ADAMTS9: variants seen among roughly 807,000 people sequenced by gnomAD.
ADAMTS9 encodes the protein ADAM metallopeptidase with thrombospondin type 1 motif 9.
Under a neutral mutation model 257.1 loss-of-function variants are expected in ADAMTS9, and 107 were observed. The observed-to-expected ratio is 0.42, with a 90% confidence interval of 0.36 to 0.49. The LOEUF is 0.49. Among genes scored for constraint, ADAMTS9 ranks in the 20% least tolerant of loss-of-function variants. ADAMTS9 has a pLI of 0.03. For missense variants in ADAMTS9, 2,353 were observed against 2,469.1 expected, an observed-to-expected ratio of 0.95 and a Z score of 1.00; for synonymous variants, 982 against 880.9, an observed-to-expected ratio of 1.11 and a Z score of -2.03.
chr3:64,562,420 A>G (rs1265647361), intron 29 of ADAMTS9, among the ~76,000 whole-genome samples: 1 of 152,172 alleles, frequency 6.6e-6, no homozygotes, highest in African/African-American at 2.4e-5. Flanking sequence ...AATATTGTTA[A>G]TCATGTTGAA....
intron 3 of ADAMTS9, among the ~76,000 whole-genome samples, chr3:64,674,082 T>C (rs7650788): frequency 0.21 from 30,563 of 147,324 alleles, 3,824 homozygotes; most frequent in Non-Finnish European, 0.29. Context: ...ACTGCACTAT[T>C]AACACTAAAG....
intron 2 of ADAMTS9, among the ~76,000 whole-genome samples, chr3:64,684,473 T>A (rs1481187355): frequency 6.6e-6 from 1 of 152,076 alleles, no homozygotes; most frequent in Non-Finnish European, 1.5e-5. Context: ...GGCGGAGAAC[T>A]AGCAACATCT....
chr3:64,520,849 A>T lies in ADAMTS9; in HGVS notation c.*5+1317T>A, dbSNP rs908938132. The stretch of plus-strand genomic sequence containing the variant: ...GACTTCAAAACATAAAAATTCTAGA[A>T]GAAAACCCAGGAAATACTCTTCTGA... On this transcript the variant is annotated intron_variant, in intron 39 of 39. Transcript: ENST00000498707. Among the ~76,000 whole-genome samples the T allele has an allele frequency of 4.6e-5, 7 of 152,212 alleles. 1 individual carries two copies. The highest frequency in any genetic ancestry group is 1.4e-4 in the African/African-American group (6 of 41,466).
In ADAMTS9 at chr3:64,541,526, C is replaced by T; in HGVS notation, c.5292G>A (p.Lys1764=). 1 of 1,613,614 alleles carries T rather than the reference C, an allele frequency of 6.2e-7. No homozygotes were observed. The highest frequency in any genetic ancestry group is 1.7e-5 in the Admixed American group (1 of 60,022). Residue 1764 remains lysine, a splice_region_variant and synonymous_variant, in exon 34 of 40, where the codon AAG becomes AAA. Transcript: ENST00000498707. ...ATAATGACTGGTGTCTGACATTCAC[C>T]TTCAGAAGCTTTCCTCTAATCATCA... The part of the protein sequence containing the change: ...YFLMIRGKLL[K]IFCAGMHSDH...
rs547369175 is a variant in ADAMTS9 at position 64,541,879 on chromosome 3, A to T, written c.5156T>A (p.Leu1719Gln). 1.9e-6 allele frequency: 3 copies of T among 1,614,204 alleles called. No homozygotes were observed. The highest frequency in any genetic ancestry group is 2.2e-5 in the South Asian group (2 of 91,086). The change falls in exon 33 of 40, where the codon CTG (leucine) becomes CAG (glutamine). Residue 1719 changes from leucine (L) to glutamine (Q), a missense_variant. Transcript: ENST00000498707. ...DQPSHLCHTDLKPEERKTCRN... is the reference protein window; with the variant it reads ...DQPSHLCHTDQKPEERKTCRN... ...GCAGGTTTTTCGTTCTTCTGGCTTC[A>T]GATCAGTGTGGCATAAGTGGCTGGG...
At chr3:64,667,575 T>C (rs1382319463) in intron 3 of ADAMTS9, among the ~76,000 whole-genome samples, 3 of 152,176 alleles carry the variant, frequency 2.0e-5, no homozygotes, top group Non-Finnish European at 4.4e-5. Context: ...CAATACCTTC[T>C]AAGGGGGTGG....
chr3:64,596,117 G>T (rs147182359), intron 27 of ADAMTS9, among the ~76,000 whole-genome samples: 1 of 152,234 alleles, frequency 6.6e-6, no homozygotes, highest in Non-Finnish European at 1.5e-5. Flanking sequence ...TCATATCATG[G>T]TCATAAATAC....
At chr3:64,539,904 G>A (rs1003263281) in intron 36 of ADAMTS9, among the ~76,000 whole-genome samples, 1 of 152,180 alleles carries the variant, frequency 6.6e-6, no homozygotes, top group Admixed American at 6.5e-5. Context: ...CAAAGTGCAC[G>A]TTGTTAACCC....
At chr3:64,685,237 C>A (rs1701869168) in intron 2 of ADAMTS9, 1 of 152,436 alleles carries the variant, frequency 6.6e-6, no homozygotes, top group Non-Finnish European at 1.5e-5. Flanking sequence ...GCCACGCTCT[C>A]CACCCGATCC....
chr3:64,554,459 C>T (rs371101707), intron 30 of ADAMTS9, among the ~76,000 whole-genome samples: 3 of 152,096 alleles, frequency 2.0e-5, no homozygotes, highest in African/African-American at 7.2e-5. Context: ...GAAAACAAAT[C>T]GAGTCCATGC....
At chr3:64,533,387 T>G in intron 37 of ADAMTS9, 117 bp from the exon 38 acceptor site, 1 of 756,816 alleles carries the variant, frequency 1.3e-6, no homozygotes, top group Non-Finnish European at 2.3e-6. Context: ...TGATTAATTG[T>G]GATAGCTACT....
intron 3 of ADAMTS9, among the ~76,000 whole-genome samples, chr3:64,665,180 T>C (rs1576175629): frequency 6.6e-6 from 1 of 152,212 alleles, no homozygotes; most frequent in East Asian, 1.9e-4. Flanking sequence ...CGCCACATCA[T>C]AGGTATTACA....
At chr3:64,673,387 T>A (rs1401723584) in intron 3 of ADAMTS9, among the ~76,000 whole-genome samples, 1 of 152,100 alleles carries the variant, frequency 6.6e-6, no homozygotes, top group African/African-American at 2.4e-5. Flanking sequence ...TTCTAATCCT[T>A]GCAACTGCAG....
rs1559782337 is a variant in ADAMTS9 at position 64,593,997 on chromosome 3, GTGTGTA to G, written c.4356+255_4356+260del. Among the ~76,000 whole-genome samples, 327 of 149,610 alleles carry G rather than the reference GTGTGTA, an allele frequency of 2.2e-3. 1 individual carries two copies. Among genetic ancestry groups the G allele is most frequent in the African/African-American group, 7.9e-3 (313 of 39,818 alleles). Reference sequence around the variant, plus strand: ...TGTGTGTGTGTGTGTGTGTGTGTGTGTGTGTATTTAGGCTAAGAAAAGGCAGCTACT... The same window carrying G: ...TGTGTGTGTGTGTGTGTGTGTGTGTGTTTAGGCTAAGAAAAGGCAGCTACT... On this transcript the variant is annotated intron_variant, in intron 28 of 39. Coordinates refer to ENST00000498707, the MANE Select transcript of ADAMTS9 (RefSeq NM_182920.2).
chr3:64,674,794 G>C (rs1001764826), intron 3 of ADAMTS9, among the ~76,000 whole-genome samples: 1 of 152,124 alleles, frequency 6.6e-6, no homozygotes, highest in Non-Finnish European at 1.5e-5. Context: ...CCCCCTCAGG[G>C]GTCTGCTCCC....
At position 64,568,426 on chromosome 3, in the gene ADAMTS9, C is replaced by T. The variant is rs746720499; in HGVS notation, c.4466G>A (p.Gly1489Glu). The change falls in exon 29 of 40, where the codon GGG becomes GAG. Residue 1489 changes from glycine (G) to glutamate (E), a missense_variant. Gly to Glu is a moderately conservative substitution (Grantham distance 98). Transcript: ENST00000498707. ...TCTTCCTCCTCGGCACTTTCTGTGC[C>T]CATGTGGCTTAGCCAGGTGCTTACA... ...DYCKHLAKPH[G>E]HRKCRGGRCP... The T allele has an allele frequency of 1.9e-6, 3 of 1,613,586 alleles. No homozygotes were observed. The highest frequency in any genetic ancestry group is 2.5e-6 in the Non-Finnish European group (3 of 1,179,920).
chr3:64,565,340 A>G (rs1406140678), intron 29 of ADAMTS9: 1 of 152,244 alleles, frequency 6.6e-6, no homozygotes, highest in African/African-American at 2.4e-5. Flanking sequence ...TCTTTTAAAA[A>G]TTGATGCTTA....
chr3:64,537,044 G>A (rs2083060380), intron 37 of ADAMTS9, among the ~76,000 whole-genome samples: 2 of 152,178 alleles, frequency 1.3e-5, no homozygotes, highest in East Asian at 3.8e-4. Flanking sequence ...ACCTTTTCCT[G>A]GAAAACTGAT....
At chr3:64,553,052 T>A (rs1041396935) in intron 30 of ADAMTS9, among the ~76,000 whole-genome samples, 9 of 151,906 alleles carry the variant, frequency 5.9e-5, no homozygotes, top group African/African-American at 1.9e-4. Flanking sequence ...GGTGATAAAA[T>A]ACACAAAATA....
Sources: allele counts gnomAD v4.1 joint callset (sites outside exome capture counted in the v4.1 genomes callset), GRCh38; gene constraint gnomAD v4.1.1; transcripts MANE v1.5; gene names NCBI Gene and HGNC (gene_info 2026-07-23, HGNC 2026-07-21).